Variants in TOGARAM1 observed in about 807,000 individuals in gnomAD.
TOGARAM1 encodes the protein TOG array regulator of axonemal microtubules protein 1.
In TOGARAM1, 100 loss-of-function variants were observed where a neutral mutation model predicts 166.6. That is an observed-to-expected ratio of 0.60 (90% CI 0.51 to 0.71). TOGARAM1 has a LOEUF of 0.71. TOGARAM1 is among the 30% of genes least tolerant of loss of function. TOGARAM1 has a pLI of 0.00. For missense variants in TOGARAM1, 2,029 were observed against 2,102.7 expected (o/e 0.96, Z 0.69); for synonymous variants, 758 against 763.8 (o/e 0.99, Z 0.13).
intron 3 of TOGARAM1, among the ~76,000 whole-genome samples, chr14:45,003,348 C>T (rs983466857): frequency 6.6e-6 from 1 of 151,718 alleles, no homozygotes; most frequent in Admixed American, 6.6e-5. Context: ...TACAAATAGA[C>T]TTTTTATATT....
chr14:45,028,463 C>A, intron 10 of TOGARAM1, 134 bp downstream of exon 10: 1 of 850,762 alleles, frequency 1.2e-6, no homozygotes, highest in Non-Finnish European at 1.8e-6. Context: ...CAAGTTCTGC[C>A]TTTAATTAGC....
rs369605488 is a variant in TOGARAM1, at chr14:44,973,578, T to TTC, written c.2046+9129_2046+9130dup. Among the ~76,000 whole-genome samples the TTC allele has an allele frequency of 5.0e-3, 744 of 148,364 alleles. 3 individuals are homozygous for TTC. The highest frequency in any genetic ancestry group is 7.9e-3 in the Non-Finnish European group (529 of 67,296). On this transcript the variant is annotated intron_variant, in intron 1 of 19. Transcript: ENST00000361462. ...TTTACTTATTCTCCTCCAGTGTACT[T>TTC]TCTCTCTCTCTCTCTCTCTATATAT...
chr14:44,988,745 G>T (rs1886985319), intron 1 of TOGARAM1, among the ~76,000 whole-genome samples: 1 of 152,182 alleles, frequency 6.6e-6, no homozygotes, highest in Non-Finnish European at 1.5e-5. Flanking sequence ...TCAGAAACTA[G>T]GTCATAAAAA....
chr14:44,964,527 G>T (rs528263764), intron 1 of TOGARAM1, 60 bp downstream of exon 1: 382 of 1,496,298 alleles, frequency 2.6e-4, no homozygotes, highest in Non-Finnish European at 3.2e-4. Context: ...AAATATGCCC[G>T]TGATGACTTA....
intron 1 of TOGARAM1, among the ~76,000 whole-genome samples, chr14:44,994,697 G>C (rs1035577481): frequency 6.6e-6 from 1 of 152,176 alleles, no homozygotes; most frequent in African/African-American, 2.4e-5. Context: ...GTGATTACAG[G>C]TGTGAGCTAC....
chr14:44,989,849 G>A (rs372790328), intron 1 of TOGARAM1, among the ~76,000 whole-genome samples: 1 of 152,310 alleles, frequency 6.6e-6, no homozygotes, highest in South Asian at 2.1e-4. Flanking sequence ...AAGTTTAATT[G>A]ACTCACAGTT....
At chr14:45,016,885 G>A (rs1161912164) in intron 7 of TOGARAM1, among the ~76,000 whole-genome samples, 1 of 152,156 alleles carries the variant, frequency 6.6e-6, no homozygotes, top group Non-Finnish European at 1.5e-5. Context: ...TAGAAGTTGA[G>A]ATAGGTTTAG....
intron 10 of TOGARAM1, among the ~76,000 whole-genome samples, chr14:45,029,537 T>C (rs1046666156): frequency 6.6e-6 from 1 of 152,206 alleles, no homozygotes; most frequent in African/African-American, 2.4e-5. Context: ...CAAAGTGTAG[T>C]TGTTTAGCTC....
intron 1 of TOGARAM1, among the ~76,000 whole-genome samples, chr14:44,992,560 G>T (rs1282686174): frequency 6.6e-6 from 1 of 150,518 alleles, no homozygotes; most frequent in African/African-American, 2.4e-5. Flanking sequence ...GCCAAAAGCT[G>T]CAATAGGATG....
At chr14:45,059,790 A>G (rs1882815282) in intron 16 of TOGARAM1, among the ~76,000 whole-genome samples, 1 of 152,254 alleles carries the variant, frequency 6.6e-6, no homozygotes, top group African/African-American at 2.4e-5. Flanking sequence ...TATTTCATAA[A>G]CTAAAGTAAT....
chr14:45,001,433 TG>T (rs1887684717), intron 3 of TOGARAM1, among the ~76,000 whole-genome samples: 1 of 152,170 alleles, frequency 6.6e-6, no homozygotes, highest in Non-Finnish European at 1.5e-5. Context: ...AGCTTCTGCA[TG>T]GCAAAGGAAA....
Position 45,012,017 on chromosome 14 carries a change from A to G in TOGARAM1, c.3180A>G (p.Thr1060=), listed in dbSNP as rs373310986. 2.5e-6 allele frequency: 4 copies of G among 1,611,818 alleles called. No individual in the cohort carries two copies. Among genetic ancestry groups the G allele is most frequent in the Admixed American group, 3.4e-5 (2 of 59,656 alleles). ...FPTFGSKPCP[T]RLSSAKKKIS... is the part of the protein sequence containing the mutation. ...CATTTGGGTCAAAACCTTGTCCAACAAGACTTTCTTCTGCAAAGAAAAAAA... is the reference window on the plus strand; with the variant it reads ...CATTTGGGTCAAAACCTTGTCCAACGAGACTTTCTTCTGCAAAGAAAAAAA... The change falls in exon 7 of 20, where the codon ACA becomes ACG. Residue 1060 remains threonine, a synonymous_variant. Coordinates refer to ENST00000361462, the MANE Select transcript of TOGARAM1 (RefSeq NM_001308120.2).
intron 4 of TOGARAM1, 22 bp from the exon 5 acceptor site, chr14:45,005,986 A>G: frequency 2.0e-6 from 3 of 1,524,818 alleles, no homozygotes; most frequent in African/African-American, 1.4e-5. Context: ...AAGAAAAAGT[A>G]AAATATCTAT....
At chr14:45,073,146 G>A (rs1283193130) in intron 19 of TOGARAM1, 150 bp from the exon 20 acceptor site, 1 of 705,358 alleles carries the variant, frequency 1.4e-6, no homozygotes, top group African/African-American at 1.8e-5. Context: ...TGAGAGAAAG[G>A]TTTCTTACAT....
At chr14:45,026,887 A>G (rs551501520) in intron 8 of TOGARAM1, among the ~76,000 whole-genome samples, 51 of 151,506 alleles carry the variant, frequency 3.4e-4, no homozygotes, top group Admixed American at 2.2e-3. Context: ...GTGCGTCTGT[A>G]GTCCTAGCTA....
At chr14:45,033,128 C>G (rs1344545520) in intron 11 of TOGARAM1, among the ~76,000 whole-genome samples, 2 of 151,960 alleles carry the variant, frequency 1.3e-5, no homozygotes, top group Non-Finnish European at 2.9e-5. Context: ...TGGCAGGCAC[C>G]TGCAGTCCCA....
At chr14:45,010,567 A>T (rs1442501767) in intron 6 of TOGARAM1, among the ~76,000 whole-genome samples, 3 of 152,202 alleles carry the variant, frequency 2.0e-5, no homozygotes, top group Admixed American at 1.3e-4. Flanking sequence ...TATGATTTGG[A>T]TACATGATGT....
At chr14:45,046,421 G>A (rs1882069409) in intron 13 of TOGARAM1, 124 bp from the exon 14 acceptor site, 8 of 766,404 alleles carry the variant, frequency 1.0e-5, no homozygotes, top group Non-Finnish European at 1.2e-5. Context: ...CAGTGACAGA[G>A]CAAGACCCTG....
chr14:45,052,660 T>C (rs573128516), intron 15 of TOGARAM1, 98 bp downstream of exon 15: 3 of 1,161,238 alleles, frequency 2.6e-6, no homozygotes, highest in African/African-American at 3.1e-5. Context: ...TGATTATTTC[T>C]CTGTTAATCA....
Sources: gnomAD v4.1 joint callset for allele counts (sites outside exome capture counted in the v4.1 genomes callset) on GRCh38, gnomAD v4.1.1 for gene constraint, MANE v1.5 for transcripts, NCBI Gene and HGNC (gene_info 2026-07-23, HGNC 2026-07-21) for gene names.